Variants in URAD observed in about 807,000 individuals in gnomAD.
URAD encodes the protein ureidoimidazoline (2-oxo-4-hydroxy-4-carboxy-5-) decarboxylase, also known as putative 2-oxo-4-hydroxy-4-carboxy-5-ureidoimidazoline decarboxylase.
A neutral mutation model predicts 4.6 loss-of-function variants in URAD; 4 were observed. That is an observed-to-expected ratio of 0.87 (90% CI 0.43 to 1.98). URAD has a LOEUF of 1.98. Among genes scored for constraint, URAD ranks in the 30% most tolerant of loss-of-function variants. URAD has a pLI of 0.03. For synonymous variants in URAD, 144 were observed against 118.2 expected, an observed-to-expected ratio of 1.22 and a Z score of -1.41; for missense variants, 300 against 255.3, an observed-to-expected ratio of 1.18 and a Z score of -1.19.
At chr13:27,985,258 G>T (rs1035233586) in intron 1 of URAD, among the ~76,000 whole-genome samples, 4 of 152,082 alleles carry the variant, frequency 2.6e-5, no homozygotes, top group African/African-American at 9.7e-5. Context: ...AGGAATTTGA[G>T]ACAAGCATGG....
chr13:27,984,904 G>A (rs1869977906), intron 1 of URAD, among the ~76,000 whole-genome samples: 3 of 152,032 alleles, frequency 2.0e-5, no homozygotes, highest in South Asian at 2.1e-4. Context: ...GCTTGAACCC[G>A]GGAGGCGGAG....
In URAD at chr13:27,988,642, T is replaced by C; in HGVS notation, c.-5A>G. Reference sequence around the variant, plus strand: ...GTTGACCTTCTCAATGTCCATTCCTTGTATTCCACTGGAGACAGCGGGACG... The same window carrying C: ...GTTGACCTTCTCAATGTCCATTCCTCGTATTCCACTGGAGACAGCGGGACG... On this transcript the variant is annotated 5_prime_UTR_variant, in exon 1 of 2. Coordinates refer to ENST00000332715, the MANE Select transcript of URAD (RefSeq NM_001105577.2). The C allele has an allele frequency of 6.3e-7, 1 of 1,594,158 alleles. No individual in the cohort carries two copies. Among genetic ancestry groups the C allele is most frequent in the South Asian group, 1.1e-5 (1 of 88,332 alleles).
rs1848620028 is a variant in URAD at position 27,978,411 on chromosome 13, T to G, written c.217A>C (p.Ser73Arg). 2.9e-6 allele frequency: 4 copies of G among 1,393,002 alleles called. No individual in the cohort carries two copies. In the African/African-American group the frequency reaches 4.5e-5, roughly 16 times the overall value. 86.3% of individuals were successfully genotyped at this position (1,393,002 alleles called of 1,614,324 possible). The change falls in exon 2 of 2, where the codon AGC becomes CGC. Residue 73 changes from serine (S) to arginine (R), a missense_variant. Transcript: ENST00000332715. ...GTGAGCGTGCCCCGCTGCAGCTCGC[T>G]GCCCGCCAGGTCCGGGTGGCAGCGC... Reference protein sequence around the residue: ...ILRCHPDLAGSELQRGTLTAE... With the variant: ...ILRCHPDLAGRELQRGTLTAE...
At chr13:27,984,460 A>G (rs762289786) in intron 1 of URAD, among the ~76,000 whole-genome samples, 1 of 152,200 alleles carries the variant, frequency 6.6e-6, no homozygotes, top group Admixed American at 6.5e-5. Context: ...CTACTGGCCA[A>G]TAATCATCAT....
Position 27,988,626 on chromosome 13 carries a change from C to T in URAD, c.12G>A (p.Glu4=), listed in dbSNP as rs1177448095. MDI[E]KVNSMDLGEF... The stretch of plus-strand genomic sequence containing the variant: ...CTCCAAGGTCCATGGAGTTGACCTT[C>T]TCAATGTCCATTCCTTGTATTCCAC... Residue 4 remains glutamate, a synonymous_variant, in exon 1 of 2, where the codon GAG becomes GAA. Transcript: ENST00000332715. 2.5e-6 allele frequency: 4 copies of T among 1,604,996 alleles called. No homozygotes were observed. The highest frequency in any genetic ancestry group is 3.4e-5 in the Admixed American group (2 of 58,726).
At chr13:27,987,203 A>C (rs1870055461) in intron 1 of URAD, among the ~76,000 whole-genome samples, 1 of 152,058 alleles carries the variant, frequency 6.6e-6, no homozygotes, top group Non-Finnish European at 1.5e-5. Flanking sequence ...TTCCCCACCC[A>C]GATGTCCACA....
intron 1 of URAD, among the ~76,000 whole-genome samples, chr13:27,979,948 C>G (rs1357637195): frequency 6.6e-6 from 1 of 152,190 alleles, no homozygotes; most frequent in Non-Finnish European, 1.5e-5. Context: ...CACACTGCGC[C>G]TGGACCCTCT....
chr13:27,977,917 C>A lies in URAD; in HGVS notation c.*189G>T. 1.9e-6 allele frequency: 1 copy of A among 516,714 alleles called. No individual in the cohort carries two copies. The highest frequency in any genetic ancestry group is 3.0e-5 in the South Asian group (1 of 33,248). The allele number at this position is 516,714 out of a possible 1,614,324, so 32.0% of individuals were successfully genotyped here. ...AAACAATATGGATATTTTGGCAACG[C>A]GTGCGCGTGTGGGTGGGCGGACAAA... On this transcript the variant is annotated 3_prime_UTR_variant, in exon 2 of 2. Coordinates refer to ENST00000332715, the MANE Select transcript of URAD (RefSeq NM_001105577.2).
At chr13:27,978,960 T>G (rs1869802854) in intron 1 of URAD, among the ~76,000 whole-genome samples, 1 of 151,420 alleles carries the variant, frequency 6.6e-6, no homozygotes. Flanking sequence ...TGGGTTTCGT[T>G]CTGCTCCAAA....
chr13:27,983,448 C>G (rs760678155), intron 1 of URAD, among the ~76,000 whole-genome samples: 10 of 152,046 alleles, frequency 6.6e-5, no homozygotes, highest in Non-Finnish European at 1.3e-4. Context: ...AGGCTGGTCT[C>G]GAACTCCTGA....
intron 1 of URAD, among the ~76,000 whole-genome samples, chr13:27,981,231 G>A (rs921999756): frequency 2.0e-5 from 3 of 152,174 alleles, no homozygotes; most frequent in African/African-American, 7.2e-5. Context: ...CCTGCAGCAA[G>A]GACCCAGTTC....
intron 1 of URAD, among the ~76,000 whole-genome samples, chr13:27,987,686 T>C (rs1317736524): frequency 6.6e-6 from 1 of 152,156 alleles, no homozygotes; most frequent in East Asian, 1.9e-4. Context: ...TCTGATGTCT[T>C]TTGCTAGGTT....
intron 1 of URAD, among the ~76,000 whole-genome samples, chr13:27,985,613 A>C (rs980784605): frequency 6.6e-6 from 1 of 152,248 alleles, no homozygotes; most frequent in Non-Finnish European, 1.5e-5. Flanking sequence ...CATTTATCTT[A>C]ATCAAATACA....
intron 1 of URAD, 88 bp from the exon 2 acceptor site, chr13:27,978,540 G>A (rs989175670): frequency 2.6e-5 from 26 of 996,324 alleles, no homozygotes; most frequent in Non-Finnish European, 3.2e-5. Flanking sequence ...GCCGCGCCCG[G>A]CCCCCCTGCC....
chr13:27,978,151 G>A lies in URAD; in HGVS notation c.477C>T (p.Ser159=). 4 of 1,532,064 alleles carry A rather than the reference G, an allele frequency of 2.6e-6. No homozygotes were observed. The highest frequency in any genetic ancestry group is 2.6e-6 in the Non-Finnish European group (3 of 1,152,384). The allele number at this position is 1,532,064 out of a possible 1,614,324, so 94.9% of individuals were successfully genotyped here. A position where few individuals can be genotyped will look rare whatever the true frequency, so the allele number is the denominator to read the frequency against. ...TALGEVKKIG[S]LRLADLLRAD... is the part of the protein sequence containing the mutation. The stretch of plus-strand genomic sequence containing the variant: ...CGCGGAGGAGGTCGGCCAGGCGCAG[G>A]CTGCCGATCTTCTTCACCTCGCCCA... The change falls in exon 2 of 2, where the codon AGC becomes AGT. Residue 159 remains serine, a synonymous_variant. Coordinates refer to ENST00000332715, the MANE Select transcript of URAD (RefSeq NM_001105577.2).
Position 27,978,197 on chromosome 13 carries a change from G to A in URAD, c.431C>T (p.Ala144Val), listed in dbSNP as rs1246613348. 7 of 1,500,854 alleles carry A rather than the reference G, an allele frequency of 4.7e-6. No individual in the cohort carries two copies. The highest frequency in any genetic ancestry group is 6.2e-6 in the Non-Finnish European group (7 of 1,137,116). The allele number at this position is 1,500,854 out of a possible 1,614,324, so 93.0% of individuals were successfully genotyped here. Residue 144 changes from alanine (A) to valine (V), a missense_variant, in exon 2 of 2, where the codon GCG becomes GTG. Coordinates refer to ENST00000332715, the MANE Select transcript of URAD (RefSeq NM_001105577.2). ...GCCCAGAGCAGTGCGCAGCTCCTGC[G>A]CGGACGGGCAGAGCAGCCGGCGCGC... ...ELARRLLCPS[A>V]QELRTALGEV...
In URAD at chr13:27,988,528, G is replaced by A. The variant is rs1870102248; in HGVS notation, c.110C>T (p.Pro37Leu). 3 of 1,613,766 alleles carry A rather than the reference G, an allele frequency of 1.9e-6. No individual in the cohort carries two copies. In the South Asian group the frequency reaches 3.3e-5, roughly 18 times the overall value. The part of the protein sequence containing the change: ...LIAAAVWSQR[P>L]FSDLEDLEKH... ...CTCTAAATCTTCCAAATCAGAGAAT[G>A]GCCGCTGGGACCAAACAGCAGCTGC... Residue 37 changes from proline to leucine, a missense_variant, in exon 1 of 2, where the codon CCA (proline) becomes CTA (leucine). Physicochemically the swap from Pro to Leu is moderately conservative, Grantham distance 98. Transcript: ENST00000332715.
At chr13:27,981,017 TCTCTCTCTCTC>T (rs201904705) in intron 1 of URAD, among the ~76,000 whole-genome samples, 4,965 of 100,194 alleles carry the variant, frequency 0.05, 94 homozygotes, top group Non-Finnish European at 0.055. Context: ...CTTCTCTCTC[TCTCTCTCTCTC>T]CTCTCTCTCT....
At chr13:27,982,197 G>A (rs1348536982) in intron 1 of URAD, among the ~76,000 whole-genome samples, 5 of 152,268 alleles carry the variant, frequency 3.3e-5, no homozygotes, top group African/African-American at 1.2e-4. Flanking sequence ...TTGGGAGGCC[G>A]AGGCGGGTGG....
Sources: gnomAD v4.1 joint callset for allele counts (sites outside exome capture counted in the v4.1 genomes callset) on GRCh38, gnomAD v4.1.1 for gene constraint, MANE v1.5 for transcripts, NCBI Gene and HGNC (gene_info 2026-07-23, HGNC 2026-07-21) for gene names.